The following SLC22A25 variants were observed in gnomAD, a reference collection of about 807,000 sequenced individuals.
SLC22A25 encodes the protein solute carrier family 22 member 25.
A neutral mutation model predicts 45.9 loss-of-function variants in SLC22A25; 44 were observed. The observed-to-expected ratio is 0.96, with a 90% CI of 0.75 to 1.23. The LOEUF is 1.23. SLC22A25 is among the 50% of genes most tolerant of loss of function. The probability of loss-of-function intolerance (pLI) is 0.00; values close to 1 mark genes in which losing one functional copy is unlikely to be tolerated. For synonymous variants in SLC22A25, 283 were observed against 238.6 expected, an observed-to-expected ratio of 1.19 and a Z score of -1.72; for missense variants, 800 against 666.4, an observed-to-expected ratio of 1.20 and a Z score of -2.21.
Position 63,183,088 on chromosome 11 carries a change from G to T in SLC22A25, c.954+606C>A, listed in dbSNP as rs1207838939. 3.2e-4 allele frequency among the ~76,000 whole-genome samples: 48 copies of T among 151,914 alleles called. 2 individuals carry two copies. Among genetic ancestry groups the T allele is most frequent in the Admixed American group, 3.2e-3 (48 of 15,212 alleles). On this transcript the variant is annotated intron_variant, in intron 8 of 11. Coordinates refer to ENST00000306494, the MANE Select transcript of SLC22A25 (RefSeq NM_199352.6). Reference sequence around the variant, plus strand: ...TTACATTTACTTAATAATCCATGGGGTGGAAAAAAAGATAAAGACTTCCCC... The same window carrying T: ...TTACATTTACTTAATAATCCATGGGTTGGAAAAAAAGATAAAGACTTCCCC...
intron 1 of SLC22A25, 71 bp from the exon 2 acceptor site, chr11:63,239,206 A>T (rs1202034266): frequency 6.6e-6 from 1 of 152,226 alleles, no homozygotes; most frequent in Non-Finnish European, 1.5e-5. Context: ...CTGAAGTCCC[A>T]TTGAGTGTAT....
intron 9 of SLC22A25, among the ~76,000 whole-genome samples, chr11:63,168,835 TGAG>T (rs2087776142): frequency 6.6e-6 from 1 of 151,918 alleles, no homozygotes; most frequent in African/African-American, 2.4e-5. Context: ...AGATACTCCT[TGAG>T]AAGAGCAACA....
chr11:63,232,031 T>G (rs2090078265), intron 3 of SLC22A25, among the ~76,000 whole-genome samples: 1 of 152,242 alleles, frequency 6.6e-6, no homozygotes, highest in South Asian at 2.1e-4. Context: ...TTTTGGTTAC[T>G]GTAGCCTTGT....
At chr11:63,209,177 A>G (rs1436212089) in intron 7 of SLC22A25, among the ~76,000 whole-genome samples, 3 of 152,154 alleles carry the variant, frequency 2.0e-5, no homozygotes, top group Admixed American at 2.0e-4. Flanking sequence ...TACCCAGACC[A>G]GTTTCCCTAT....
intron 5 of SLC22A25, 125 bp from the exon 6 acceptor site, chr11:63,217,860 A>G (rs2089758437): frequency 2.6e-6 from 3 of 1,165,096 alleles, no homozygotes; most frequent in Admixed American, 2.7e-5. Flanking sequence ...TTAAAACGTT[A>G]AAGAATCAAC....
At chr11:63,194,039 C>T (rs948009742) in intron 7 of SLC22A25, among the ~76,000 whole-genome samples, 2 of 151,920 alleles carry the variant, frequency 1.3e-5, no homozygotes, top group Non-Finnish European at 2.9e-5. Context: ...GTAGCCAATT[C>T]GATCAAGTGG....
intron 9 of SLC22A25, among the ~76,000 whole-genome samples, chr11:63,177,461 A>G (rs953769595): frequency 6.6e-6 from 1 of 151,954 alleles, no homozygotes; most frequent in Non-Finnish European, 1.5e-5. Flanking sequence ...AGTCACCTAT[A>G]GTCAACTATA....
chr11:63,239,750 G>A (rs967333245), intron 1 of SLC22A25, among the ~76,000 whole-genome samples: 4 of 152,230 alleles, frequency 2.6e-5, no homozygotes, highest in Non-Finnish European at 5.9e-5. Flanking sequence ...AGTGAAGGAG[G>A]GCAGAGTAAG....
chr11:63,168,926 A>T (rs539884018), intron 9 of SLC22A25, among the ~76,000 whole-genome samples: 5 of 152,304 alleles, frequency 3.3e-5, no homozygotes, highest in Admixed American at 3.3e-4. Flanking sequence ...GAGGAAGGTC[A>T]GGTTACCTAC....
At position 63,162,488 on chromosome 11, in the gene SLC22A25, C is replaced by T. The variant is rs1394898854; in HGVS notation, c.*1336G>A. On this transcript the variant is annotated 3_prime_UTR_variant, in exon 12 of 12. Transcript: ENST00000306494. ...TTTTATTCTTCTGCATATGGATATCCAGTTTTGGAACTATTTTTTATGTTC... is the reference window on the plus strand; with the variant it reads ...TTTTATTCTTCTGCATATGGATATCTAGTTTTGGAACTATTTTTTATGTTC... Among the ~76,000 whole-genome samples, 13 of 152,068 alleles carry T rather than the reference C, an allele frequency of 8.5e-5. No homozygotes were observed. The highest frequency in any genetic ancestry group is 7.2e-4 in the Admixed American group (11 of 15,266).
In SLC22A25 at chr11:63,229,713, G is replaced by C; in HGVS notation, c.-61C>G. On this transcript the variant is annotated 5_prime_UTR_variant, in exon 4 of 12. Transcript: ENST00000306494. ...ATGACTGTATCCAGATAAGTTCAAA[G>C]AGAAAATATTTCCTTTCCTTAAATC... 1 of 1,511,926 alleles carries C rather than the reference G, an allele frequency of 6.6e-7. No individual in the cohort carries two copies. The highest frequency in any genetic ancestry group is 1.3e-5 in the South Asian group (1 of 79,252). The allele number at this position is 1,511,926 out of a possible 1,614,324, so 93.7% of individuals were successfully genotyped here.
chr11:63,226,951 C>T (rs1001847778), intron 5 of SLC22A25, among the ~76,000 whole-genome samples: 4 of 152,244 alleles, frequency 2.6e-5, no homozygotes, highest in African/African-American at 9.6e-5. Context: ...TGGAATACTT[C>T]CAGGGTGATT....
At chr11:63,235,191 G>T (rs1376506490) in intron 3 of SLC22A25, among the ~76,000 whole-genome samples, 1 of 152,184 alleles carries the variant, frequency 6.6e-6, no homozygotes, top group African/African-American at 2.4e-5. Flanking sequence ...ATGTTGGCCT[G>T]CCTTGCTAGA....
Position 63,208,656 on chromosome 11 carries a change from ATGTGTGAAAG to A in SLC22A25, c.830+8648_830+8657del, listed in dbSNP as rs148128393. ...GATGAGGAGTCCTGGGGCAGGGGAG[ATGTGTGAAAG>A]TGTGTGAAAGAGACAGTGTTGGGAG... On this transcript the variant is annotated intron_variant, in intron 7 of 11. Transcript: ENST00000306494. 7.1e-3 allele frequency among the ~76,000 whole-genome samples: 1,072 copies of A among 152,036 alleles called. 9 individuals carry two copies. Among genetic ancestry groups the A allele is most frequent in the African/African-American group, 0.024 (980 of 41,484 alleles).
At chr11:63,187,088 A>C (rs1029250040) in intron 7 of SLC22A25, among the ~76,000 whole-genome samples, 18 of 152,162 alleles carry the variant, frequency 1.2e-4, no homozygotes, top group Non-Finnish European at 2.2e-4. Flanking sequence ...GAAGAAAGTC[A>C]TTGGTAGCTT....
chr11:63,242,484 C>T (rs771288625), intron 1 of SLC22A25, among the ~76,000 whole-genome samples: 5 of 152,180 alleles, frequency 3.3e-5, no homozygotes, highest in East Asian at 1.9e-4. Context: ...TGTTTAATAT[C>T]GTTGCTTCCT....
rs796301840 is a variant in SLC22A25 at position 63,194,890 on chromosome 11, C to CAAAAAAAA, written c.831-11081_831-11074dup. On this transcript the variant is annotated intron_variant, in intron 7 of 11. Transcript: ENST00000306494. ...GAAAATCTACCAAGCAAATGGAAAG[C>CAAAAAAAA]AAAAAAAAAAAAAAAAAAAAAAAAA... 1.7e-4 allele frequency among the ~76,000 whole-genome samples: 6 copies of CAAAAAAAA among 34,652 alleles called. 1 individual carries two copies. The highest frequency in any genetic ancestry group is 3.2e-4 in the African/African-American group (4 of 12,566). 22.7% of individuals were successfully genotyped at this position (34,652 alleles called of 152,430 possible).
intron 7 of SLC22A25, among the ~76,000 whole-genome samples, chr11:63,189,223 G>A (rs938645785): frequency 2.0e-5 from 3 of 152,096 alleles, no homozygotes; most frequent in Admixed American, 6.5e-5. Context: ...ATGAATCTGG[G>A]TACTCCTGTA....
chr11:63,188,502 G>T (rs1306199162), intron 7 of SLC22A25, among the ~76,000 whole-genome samples: 1 of 152,096 alleles, frequency 6.6e-6, no homozygotes, highest in African/African-American at 2.4e-5. Context: ...ACCAGCTCCT[G>T]GATTCATTGA....
Sources: gnomAD v4.1 joint callset for allele counts (sites outside exome capture counted in the v4.1 genomes callset) on GRCh38, gnomAD v4.1.1 for gene constraint, MANE v1.5 for transcripts, NCBI Gene and HGNC (gene_info 2026-07-23, HGNC 2026-07-21) for gene names.